Variants in CEP295 observed in about 807,000 individuals in gnomAD.
CEP295 encodes centrosomal protein of 295 kDa.
Under a neutral mutation model 291.6 loss-of-function variants are expected in CEP295, and 190 were observed. That is an observed-to-expected ratio of 0.65 (90% CI 0.58 to 0.73). The LOEUF is 0.73. Ranked by LOEUF, CEP295 falls within the 30% of genes least tolerant of loss-of-function variation. CEP295 has a pLI of 0.00. For missense variants in CEP295, 2,863 were observed against 2,949.4 expected (o/e 0.97, Z 0.68); for synonymous variants, 993 against 1,038.8 (o/e 0.96, Z 0.85).
chr11:93,703,799 C>T (rs558909833), intron 17 of CEP295, among the ~76,000 whole-genome samples: 15 of 143,096 alleles, frequency 1.0e-4, no homozygotes, highest in African/African-American at 3.1e-4. Flanking sequence ...GACAGAGTCT[C>T]GCTCTGTCGC....
chr11:93,686,005 G>A (rs542129153), intron 9 of CEP295, among the ~76,000 whole-genome samples: 49 of 149,384 alleles, frequency 3.3e-4, no homozygotes, highest in Non-Finnish European at 6.2e-4. Flanking sequence ...CACCATGCCC[G>A]GCCAGCAGTG....
chr11:93,712,856 T>G (rs1037971762), intron 18 of CEP295, among the ~76,000 whole-genome samples: 2 of 148,764 alleles, frequency 1.3e-5, no homozygotes, highest in African/African-American at 4.9e-5. Flanking sequence ...TTTCTTCTGT[T>G]TTGTTGTTGT....
At chr11:93,728,469 C>T in intron 24 of CEP295, 1 of 440,802 alleles carries the variant, frequency 2.3e-6, no homozygotes, top group South Asian at 3.3e-5. Context: ...TCATCCCCTC[C>T]CCAAAGTAGG....
chr11:93,694,006 A>G (rs562513177), intron 12 of CEP295, among the ~76,000 whole-genome samples: 1 of 152,386 alleles, frequency 6.6e-6, no homozygotes, highest in East Asian at 1.9e-4. Context: ...TAGATGTACT[A>G]CAGAACTGTA....
chr11:93,712,579 A>ATAGC (rs1484091237), intron 18 of CEP295, among the ~76,000 whole-genome samples: 2 of 152,178 alleles, frequency 1.3e-5, no homozygotes, highest in Non-Finnish European at 2.9e-5. Flanking sequence ...TGATATAAGT[A>ATAGC]TAGCTACTCT....
chr11:93,729,355 T>C (rs1938007613), intron 25 of CEP295, 79 bp from the exon 26 acceptor site: 4 of 941,282 alleles, frequency 4.2e-6, no homozygotes, highest in South Asian at 2.9e-5. Context: ...ATCATGCCGC[T>C]GCACTCTAAT....
chr11:93,711,389 T>C (rs929734855), intron 18 of CEP295, among the ~76,000 whole-genome samples: 1 of 152,230 alleles, frequency 6.6e-6, no homozygotes, highest in Non-Finnish European at 1.5e-5. Flanking sequence ...CTGTTTAACT[T>C]CCATGTGTTT....
chr11:93,708,155 A>G (rs1423762765), intron 18 of CEP295, among the ~76,000 whole-genome samples: 1 of 152,184 alleles, frequency 6.6e-6, no homozygotes, highest in African/African-American at 2.4e-5. Flanking sequence ...CCATCACCTC[A>G]AGCATTTATA....
At chr11:93,709,656 A>AT (rs900752105) in intron 18 of CEP295, among the ~76,000 whole-genome samples, 2 of 151,706 alleles carry the variant, frequency 1.3e-5, no homozygotes, top group African/African-American at 2.4e-5. Context: ...AAATTTTAAG[A>AT]TTTTTTTTCT....
rs1429408022 is a variant in CEP295 at position 93,669,740 on chromosome 11, T to A, written c.498T>A (p.Ser166Arg). ...AAGAGAGATCAGCCAAAATTACAAG[T>A]CTGCCACCTCCTCCTCCAACTCTTT... ...VEKERSAKIT[S>R]LPPPPPTLFE... The change falls in exon 5 of 30, where the codon AGT (serine) becomes AGA (arginine). Residue 166 changes from serine (S) to arginine (R), a missense_variant. Around this residue, in one of 3 missense-constraint regions of CEP295, gnomAD observed 554 missense variants for 576.0 expected, o/e 0.96. Transcript: ENST00000325212. 9.0e-6 allele frequency: 14 copies of A among 1,550,656 alleles called. No homozygotes were observed. The highest frequency in any genetic ancestry group is 1.2e-5 in the Non-Finnish European group (14 of 1,146,256).
chr11:93,709,256 C>G (rs1037700064), intron 18 of CEP295, among the ~76,000 whole-genome samples: 1 of 152,038 alleles, frequency 6.6e-6, no homozygotes, highest in East Asian at 1.9e-4. Flanking sequence ...CCAATGTTTT[C>G]TTTTAGTAGT....
chr11:93,684,239 A>G, intron 9 of CEP295, 111 bp downstream of exon 9: 1 of 775,720 alleles, frequency 1.3e-6, no homozygotes, highest in Non-Finnish European at 2.0e-6. Flanking sequence ...GCAATGAGTA[A>G]TACTGATGGG....
At chr11:93,684,156 C>T (rs1447307998) in intron 9 of CEP295, 28 bp downstream of exon 9, 1 of 1,522,446 alleles carries the variant, frequency 6.6e-7, no homozygotes, top group South Asian at 1.2e-5. Flanking sequence ...CTAAATATTA[C>T]AGTATTTCAC....
intron 1 of CEP295, among the ~76,000 whole-genome samples, chr11:93,666,184 C>T (rs1950200621): frequency 6.6e-6 from 1 of 152,182 alleles, no homozygotes; most frequent in Admixed American, 6.5e-5. Flanking sequence ...TTCTGAGTAT[C>T]ACTGATCTAA....
chr11:93,698,401 G>C lies in CEP295; in HGVS notation c.3489G>C (p.Leu1163Phe). The C allele has an allele frequency of 6.4e-7, 1 of 1,552,092 alleles. No individual in the cohort carries two copies. Among genetic ancestry groups the C allele is most frequent in the East Asian group, 2.4e-5 (1 of 40,918 alleles). ...PQHSLAQQEN[L>F]TILQEQSQIQ... is the part of the protein sequence containing the mutation. Reference sequence around the variant, plus strand: ...ATAGCCTGGCACAGCAAGAAAATTTGACAATACTCCAAGAACAGTCACAAA... The same window carrying C: ...ATAGCCTGGCACAGCAAGAAAATTTCACAATACTCCAAGAACAGTCACAAA... The change falls in exon 15 of 30, where the codon TTG becomes TTC. Residue 1163 changes from leucine (L) to phenylalanine (F), a missense_variant. Coordinates refer to ENST00000325212, the MANE Select transcript of CEP295 (RefSeq NM_033395.2).
At chr11:93,724,172 C>T in intron 21 of CEP295, 82 bp from the exon 22 acceptor site, 1 of 1,271,634 alleles carries the variant, frequency 7.9e-7, no homozygotes, top group Middle Eastern at 2.0e-4. Flanking sequence ...GTTCTTAATA[C>T]TCCTTTTCTA....
At chr11:93,663,094 C>T (rs147851443) in intron 1 of CEP295, among the ~76,000 whole-genome samples, 1 of 152,208 alleles carries the variant, frequency 6.6e-6, no homozygotes, top group African/African-American at 2.4e-5. Context: ...GGGGACATGA[C>T]AACTTTGACA....
rs199795947 is a variant in CEP295, at chr11:93,686,957, C to A, written c.1115-687C>A. Among the ~76,000 whole-genome samples the A allele has an allele frequency of 4.6e-5, 7 of 152,290 alleles. No individual in the cohort carries two copies. In the East Asian group the frequency reaches 1.2e-3, roughly 25 times the overall value. ...GATATTCTTAAATTTTATTCCTTGA[C>A]TAAGCCAGAGAAATATGTACTTGCA... On this transcript the variant is annotated intron_variant, in intron 9 of 29. Coordinates refer to ENST00000325212, the MANE Select transcript of CEP295 (RefSeq NM_033395.2).
intron 18 of CEP295, among the ~76,000 whole-genome samples, chr11:93,712,040 A>T (rs1025506658): frequency 1.3e-5 from 2 of 152,036 alleles, no homozygotes; most frequent in Admixed American, 6.6e-5. Flanking sequence ...CCAATGCTGA[A>T]AGTGGGATGT....
Sources: gnomAD v4.1 joint callset for allele counts (sites outside exome capture counted in the v4.1 genomes callset) on GRCh38, gnomAD v4.1.1 for gene constraint, gnomAD v4.1.1 regional missense constraint, MANE v1.5 for transcripts, NCBI Gene and HGNC (gene_info 2026-07-23, HGNC 2026-07-21) for gene names.